Variants in SNX29 observed in about 807,000 individuals in gnomAD.
The protein encoded by SNX29 is sorting nexin-29.
In SNX29, 78 loss-of-function variants were observed where a neutral mutation model predicts 102.1. That is an observed-to-expected ratio of 0.76 (90% confidence interval 0.64 to 0.92). The LOEUF is 0.92. Ranked by LOEUF, SNX29 falls within the 40% of genes least tolerant of loss-of-function variation. The pLI is 0.00. For missense variants in SNX29, 1,280 were observed against 1,061.7 expected (o/e 1.21, Z -2.86); for synonymous variants, 580 against 414.5 (o/e 1.40, Z -4.85).
At position 12,554,437 on chromosome 16, in the gene SNX29, C is replaced by T. The variant is rs1053963678; in HGVS notation, c.2319-14069C>T. ...TAATGTCAGCGTGTCCTGCTGTTTC[C>T]GCACACCTGCCATGCCAGGTCCATG... On this transcript the variant is annotated intron_variant, in intron 20 of 20. Transcript: ENST00000566228. 9.8e-5 allele frequency among the ~76,000 whole-genome samples: 15 copies of T among 152,334 alleles called. No individual in the cohort carries two copies. In the South Asian group the frequency reaches 1.2e-3, roughly 13 times the overall value.
intron 18 of SNX29, among the ~76,000 whole-genome samples, chr16:12,454,806 G>C (rs2086465126): frequency 6.6e-6 from 1 of 151,118 alleles, no homozygotes; most frequent in African/African-American, 2.5e-5. Flanking sequence ...TGCAACCTCT[G>C]CCTCCCAGGT....
At chr16:12,415,575 C>A (rs2151563828) in intron 18 of SNX29, among the ~76,000 whole-genome samples, 2 of 152,318 alleles carry the variant, frequency 1.3e-5, no homozygotes, top group Middle Eastern at 3.4e-3. Flanking sequence ...GTCTTGGGGT[C>A]CTGCACTATG....
At chr16:12,106,336 T>C (rs750417626) in intron 11 of SNX29, among the ~76,000 whole-genome samples, 10 of 152,028 alleles carry the variant, frequency 6.6e-5, no homozygotes, top group Non-Finnish European at 1.3e-4. Flanking sequence ...TTCTTCCCAC[T>C]TGACAGTTTG....
chr16:12,539,233 C>G (rs111529437), intron 20 of SNX29, among the ~76,000 whole-genome samples: 2 of 152,184 alleles, frequency 1.3e-5, no homozygotes, highest in Non-Finnish European at 2.9e-5. Context: ...AGACCAGTTC[C>G]TTCACCCTAA....
At position 12,294,865 on chromosome 16, in the gene SNX29, A is replaced by G. The variant is rs150899753; in HGVS notation, c.1782+16829A>G. ...ATTAGCCTGTTTTCACGCTGCTGAT[A>G]AAGACATATCTGAGACTGGGTAATT... On this transcript the variant is annotated intron_variant, in intron 15 of 20. Transcript: ENST00000566228. Among the ~76,000 whole-genome samples the G allele has an allele frequency of 6.8e-3, 1,033 of 152,204 alleles. 13 individuals carry two copies. Among genetic ancestry groups the G allele is most frequent in the African/African-American group, 0.024 (978 of 41,514 alleles).
chr16:12,215,304 A>G (rs78679861), intron 14 of SNX29, among the ~76,000 whole-genome samples: 2 of 133,776 alleles, frequency 1.5e-5, no homozygotes, highest in Non-Finnish European at 3.2e-5. Context: ...TTGAGACGCA[A>G]TCTCTACAGA....
At chr16:12,296,867 A>G (rs931310352) in intron 15 of SNX29, among the ~76,000 whole-genome samples, 13 of 152,246 alleles carry the variant, frequency 8.5e-5, no homozygotes, top group African/African-American at 3.1e-4. Context: ...GCTCTATGCC[A>G]GGGTTCTCAA....
chr16:12,500,089 T>C (rs897242085), intron 19 of SNX29, among the ~76,000 whole-genome samples: 2 of 152,174 alleles, frequency 1.3e-5, no homozygotes, highest in African/African-American at 4.8e-5. Context: ...ACTCCTGGGC[T>C]TAAGGGATCC....
chr16:12,112,394 C>T (rs2053534763), intron 11 of SNX29, among the ~76,000 whole-genome samples: 1 of 152,212 alleles, frequency 6.6e-6, no homozygotes, highest in Admixed American at 6.5e-5. Flanking sequence ...TCGGGCACCT[C>T]CAGTGTCATC....
At chr16:12,309,611 C>T (rs1045577105) in intron 15 of SNX29, among the ~76,000 whole-genome samples, 9 of 152,168 alleles carry the variant, frequency 5.9e-5, no homozygotes, top group African/African-American at 1.7e-4. Flanking sequence ...TGGCACCTGT[C>T]GTCACATAGT....
At chr16:12,335,650 G>A (rs2081424004) in intron 15 of SNX29, among the ~76,000 whole-genome samples, 4 of 152,138 alleles carry the variant, frequency 2.6e-5, no homozygotes. Context: ...CACTCCAGAC[G>A]GGGTGACGGA....
intron 14 of SNX29, among the ~76,000 whole-genome samples, chr16:12,252,919 T>C (rs1031180517): frequency 6.6e-5 from 10 of 152,172 alleles, no homozygotes; most frequent in Admixed American, 2.6e-4. Flanking sequence ...CAAATTCCAC[T>C]CCTTCATCGC....
intron 14 of SNX29, among the ~76,000 whole-genome samples, chr16:12,219,257 T>A (rs1567324865): frequency 6.7e-6 from 1 of 150,232 alleles, no homozygotes; most frequent in East Asian, 1.9e-4. Flanking sequence ...ATCTACATCA[T>A]CTTTTTTTTT....
At chr16:12,523,852 C>G (rs895681694) in intron 19 of SNX29, among the ~76,000 whole-genome samples, 12 of 152,168 alleles carry the variant, frequency 7.9e-5, no homozygotes, top group Admixed American at 6.6e-4. Flanking sequence ...TGGTATGGCC[C>G]TATGGGTGGG....
chr16:12,318,149 T>G (rs563689386), intron 15 of SNX29, among the ~76,000 whole-genome samples: 3 of 152,346 alleles, frequency 2.0e-5, no homozygotes, highest in Admixed American at 6.5e-5. Context: ...AGAGTGAGCT[T>G]CTTCCAGAGA....
intron 1 of SNX29, chr16:11,977,074 C>A (rs2055316633): frequency 5.2e-6 from 2 of 383,924 alleles, no homozygotes; most frequent in Non-Finnish European, 4.6e-6. Flanking sequence ...AACCCCTGTC[C>A]CCAGTTGTTC....
At chr16:12,274,294 C>A in intron 14 of SNX29, among the ~76,000 whole-genome samples, 1 of 152,008 alleles carries the variant, frequency 6.6e-6, no homozygotes, top group African/African-American at 2.4e-5. Context: ...AGTTTTTATC[C>A]TTTGTAAAAA....
At chr16:12,192,882 A>G (rs1343688853) in intron 13 of SNX29, among the ~76,000 whole-genome samples, 1 of 152,128 alleles carries the variant, frequency 6.6e-6, no homozygotes, top group African/African-American at 2.4e-5. Flanking sequence ...TTGTATATTT[A>G]GTAGAGGCAG....
At chr16:12,493,580 G>A (rs926128064) in intron 19 of SNX29, among the ~76,000 whole-genome samples, 1 of 152,188 alleles carries the variant, frequency 6.6e-6, no homozygotes, top group African/African-American at 2.4e-5. Flanking sequence ...ATGTTGAATA[G>A]GAGTGGTGAG....
Sources: gnomAD v4.1 joint callset for allele counts (sites outside exome capture counted in the v4.1 genomes callset) on GRCh38, gnomAD v4.1.1 for gene constraint, MANE v1.5 for transcripts, NCBI Gene and HGNC (gene_info 2026-07-23, HGNC 2026-07-21) for gene names.